PPM1L: variants seen among roughly 807,000 people sequenced by gnomAD.
The protein encoded by PPM1L is protein phosphatase, Mg2+/Mn2+ dependent 1L, also known as protein phosphatase 1L.
A neutral mutation model predicts 31.4 loss-of-function variants in PPM1L; 13 were observed. The observed-to-expected ratio is 0.41, with a 90% CI of 0.27 to 0.66. PPM1L has a LOEUF of 0.66. Among genes scored for constraint, PPM1L ranks in the 30% least tolerant of loss-of-function variants. The pLI is 0.29. For missense variants in PPM1L, 326 were observed against 453.7 expected, an observed-to-expected ratio of 0.72 and a Z score of 2.56; for synonymous variants, 184 against 175.4, an observed-to-expected ratio of 1.05 and a Z score of -0.39.
chr3:160,908,119 T>C (rs1713825839), intron 1 of PPM1L, among the ~76,000 whole-genome samples: 1 of 152,246 alleles, frequency 6.6e-6, no homozygotes, highest in Non-Finnish European at 1.5e-5. Flanking sequence ...CCTATTTGAA[T>C]GTATCCACTG....
intron 1 of PPM1L, among the ~76,000 whole-genome samples, chr3:160,837,135 T>C (rs996337684): frequency 2.0e-5 from 3 of 152,190 alleles, no homozygotes; most frequent in Non-Finnish European, 4.4e-5. Context: ...ATTTGATAAC[T>C]GTGAACTCAC....
chr3:160,906,561 C>T (rs1713764991), intron 1 of PPM1L, among the ~76,000 whole-genome samples: 1 of 151,676 alleles, frequency 6.6e-6, no homozygotes, highest in African/African-American at 2.4e-5. Context: ...AAGATCATGC[C>T]ACTGCACTCC....
intron 1 of PPM1L, among the ~76,000 whole-genome samples, chr3:160,836,601 C>T (rs576686044): frequency 1.4e-4 from 22 of 152,292 alleles, no homozygotes; most frequent in Admixed American, 1.1e-3. Context: ...TTACTCATGG[C>T]GGAGCCAGCA....
rs538583335 is a variant in PPM1L at position 160,888,141 on chromosome 3, C to A, written c.400-73595C>A. On this transcript the variant is annotated intron_variant, in intron 1 of 3. Transcript: ENST00000498165. ...TGCATCAACTAGTGTGCAAAATAAC[C>A]AGATAGCATCATGATGACAGGATCA... Among the ~76,000 whole-genome samples the A allele has an allele frequency of 2.6e-5, 4 of 152,224 alleles. No homozygotes were observed. The South Asian group carries it at 8.3e-4, about 32-fold the overall frequency.
chr3:160,820,586 G>A (rs1409976237), intron 1 of PPM1L, among the ~76,000 whole-genome samples: 4 of 151,926 alleles, frequency 2.6e-5, no homozygotes, highest in African/African-American at 4.8e-5. Flanking sequence ...TGCATGTTGC[G>A]CTAAGATAGA....
At position 160,929,875 on chromosome 3, in the gene PPM1L, C is replaced by T. The variant is rs75844454; in HGVS notation, c.400-31861C>T. ...AGCACAGTCCCCACCACCTTCCCACCTCTCCTTCAGCTTCTGCTCTTCCAG... is the reference window on the plus strand; with the variant it reads ...AGCACAGTCCCCACCACCTTCCCACTTCTCCTTCAGCTTCTGCTCTTCCAG... On this transcript the variant is annotated intron_variant, in intron 1 of 3. Transcript: ENST00000498165. 0.017 allele frequency among the ~76,000 whole-genome samples: 2,522 copies of T among 152,242 alleles called. 161 individuals are homozygous for T. The East Asian group carries it at 0.22, about 13-fold the overall frequency.
Position 161,075,661 on chromosome 3 carries a change from C to G in PPM1L, c.*6504C>G, listed in dbSNP as rs1328540456. The G allele has an allele frequency of 6.6e-6, 1 of 151,924 alleles. No homozygotes were observed. Among genetic ancestry groups the G allele is most frequent in the African/African-American group, 2.4e-5 (1 of 41,332 alleles). The allele number at this position is 151,924 out of a possible 1,614,324, so 9.4% of individuals were successfully genotyped here. A position where few individuals can be genotyped will look rare whatever the true frequency, so the allele number is the denominator to read the frequency against. On this transcript the variant is annotated 3_prime_UTR_variant, in exon 4 of 4. Transcript: ENST00000498165. ...AAGCATTTTTAAGAAAATACAGAAG[C>G]CCAAATCAAGGGAGAGTAATATAAA...
At chr3:160,931,684 T>TC in intron 1 of PPM1L, among the ~76,000 whole-genome samples, 1 of 152,320 alleles carries the variant, frequency 6.6e-6, no homozygotes, top group African/African-American at 2.4e-5. Flanking sequence ...TGTTTTCAGT[T>TC]CACATATGTT....
chr3:160,835,147 T>C (rs1259515493), intron 1 of PPM1L, among the ~76,000 whole-genome samples: 3 of 140,028 alleles, frequency 2.1e-5, no homozygotes, highest in Non-Finnish European at 4.6e-5. Context: ...TCCTTTTTCT[T>C]CCTTTTTTTT....
chr3:160,999,148 T>C (rs1224496832), intron 2 of PPM1L, among the ~76,000 whole-genome samples: 1 of 152,188 alleles, frequency 6.6e-6, no homozygotes, highest in East Asian at 1.9e-4. Flanking sequence ...CTTTTATTCA[T>C]TCTACATGTA....
chr3:160,874,180 A>G (rs1294650090), intron 1 of PPM1L, among the ~76,000 whole-genome samples: 1 of 152,052 alleles, frequency 6.6e-6, no homozygotes, highest in East Asian at 1.9e-4. Context: ...GGTTCAGCCA[A>G]TCACTATTAC....
At chr3:160,915,940 T>G (rs1210249595) in intron 1 of PPM1L, among the ~76,000 whole-genome samples, 4 of 152,172 alleles carry the variant, frequency 2.6e-5, no homozygotes, top group Admixed American at 1.3e-4. Flanking sequence ...ATGTTAGACC[T>G]AAAACCATAA....
chr3:160,814,526 CATATGTATGTATGTGTATAT>C (rs1712910109), intron 1 of PPM1L, among the ~76,000 whole-genome samples: 1 of 98,202 alleles, frequency 1.0e-5, no homozygotes, highest in Admixed American at 9.7e-5. Context: ...TATACACACA[CATATGTATGTATGTGTATAT>C]ATACACACAC....
intron 1 of PPM1L, among the ~76,000 whole-genome samples, chr3:160,922,904 C>G (rs949812950): frequency 6.6e-6 from 1 of 152,130 alleles, no homozygotes; most frequent in African/African-American, 2.4e-5. Flanking sequence ...TTGACCATAT[C>G]CTAATATTGA....
intron 1 of PPM1L, among the ~76,000 whole-genome samples, chr3:160,794,454 A>G (rs1435732308): frequency 6.6e-6 from 1 of 152,206 alleles, no homozygotes; most frequent in Non-Finnish European, 1.5e-5. Flanking sequence ...AGGCAAGAAT[A>G]TTCACCGAAA....
intron 2 of PPM1L, chr3:161,036,140 A>G (rs887608969): frequency 6.6e-6 from 1 of 152,230 alleles, no homozygotes; most frequent in African/African-American, 2.4e-5. Flanking sequence ...GGGGAATAGC[A>G]GTTCCTCCTT....
chr3:160,886,831 C>T (rs934561364), intron 1 of PPM1L, among the ~76,000 whole-genome samples: 2 of 152,066 alleles, frequency 1.3e-5, no homozygotes, highest in African/African-American at 4.8e-5. Flanking sequence ...AACATCTCTT[C>T]AAGGAACAGA....
At chr3:160,767,840 T>C (rs999686137) in intron 1 of PPM1L, among the ~76,000 whole-genome samples, 7 of 152,208 alleles carry the variant, frequency 4.6e-5, no homozygotes, top group East Asian at 1.9e-4. Flanking sequence ...AGAAACTGTT[T>C]TATTCTGATA....
At chr3:160,883,774 C>G (rs1001761708) in intron 1 of PPM1L, among the ~76,000 whole-genome samples, 2 of 147,420 alleles carry the variant, frequency 1.4e-5, no homozygotes, top group Non-Finnish European at 3.0e-5. Context: ...CTGCCACTGA[C>G]TAGTTATATG....
Sources: allele counts gnomAD v4.1 joint callset (sites outside exome capture counted in the v4.1 genomes callset), GRCh38; gene constraint gnomAD v4.1.1; transcripts MANE v1.5; gene names NCBI Gene and HGNC (gene_info 2026-07-23, HGNC 2026-07-21).